The following APBB2 variants were observed in gnomAD, a reference collection of about 807,000 sequenced individuals.
The protein encoded by APBB2 is Fe65-like 1.
APBB2 carries 38 observed loss-of-function variants against 82.5 expected under a neutral mutation model. That is an observed-to-expected ratio of 0.46 (90% CI 0.36 to 0.60). The LOEUF (loss-of-function observed/expected upper bound fraction) is 0.60. Among genes scored for constraint, APBB2 ranks in the 20% least tolerant of loss-of-function variants. The pLI is 0.00. For missense variants in APBB2, 772 were observed against 972.3 expected (o/e 0.79, Z 2.74); for synonymous variants, 341 against 368.2 (o/e 0.93, Z 0.85).
chr4:40,877,268 C>G (rs1767172967), intron 12 of APBB2, among the ~76,000 whole-genome samples: 2 of 152,234 alleles, frequency 1.3e-5, no homozygotes, highest in African/African-American at 4.8e-5. Flanking sequence ...CATCTGAGAG[C>G]AAAGGTGGCC....
intron 2 of APBB2, among the ~76,000 whole-genome samples, chr4:41,117,172 A>G (rs539391265): frequency 6.6e-6 from 1 of 152,202 alleles, no homozygotes; most frequent in African/African-American, 2.4e-5. Context: ...ATGGTCTTTA[A>G]GAAGATATTT....
chr4:41,194,143 T>A, intron 1 of APBB2: 1 of 128,826 alleles, frequency 7.8e-6, no homozygotes, highest in Non-Finnish European at 1.7e-5. Flanking sequence ...TGAGACTGCA[T>A]CTCTACAAAA....
At chr4:41,027,399 AT>A (rs1714847531) in intron 5 of APBB2, among the ~76,000 whole-genome samples, 17 of 115,130 alleles carry the variant, frequency 1.5e-4, no homozygotes, top group African/African-American at 4.3e-4. Context: ...ATATATATAT[AT>A]ATATAACATT....
chr4:41,069,046 G>A (rs375327888), intron 3 of APBB2, among the ~76,000 whole-genome samples: 54 of 151,976 alleles, frequency 3.6e-4, no homozygotes, highest in African/African-American at 1.2e-3. Flanking sequence ...TGCCCGCCTC[G>A]GCCTCCCAAA....
intron 12 of APBB2, among the ~76,000 whole-genome samples, chr4:40,855,104 GTTTGCGCC>G (rs1477286188): frequency 6.6e-6 from 1 of 152,168 alleles, no homozygotes; most frequent in African/African-American, 2.4e-5. Flanking sequence ...GCCCCTCGTT[GTTTGCGCC>G]TACTGCCACA....
intron 12 of APBB2, among the ~76,000 whole-genome samples, chr4:40,839,999 CAT>C (rs1183008055): frequency 5.9e-5 from 9 of 152,162 alleles, no homozygotes; most frequent in African/African-American, 1.9e-4. Flanking sequence ...TATTTGCACT[CAT>C]ATGAATTATA....
At chr4:41,172,203 C>T (rs974865815) in intron 1 of APBB2, among the ~76,000 whole-genome samples, 6 of 152,146 alleles carry the variant, frequency 3.9e-5, no homozygotes, top group Admixed American at 6.5e-5. Flanking sequence ...GCCTGCTGTT[C>T]CAACACCTCA....
intron 1 of APBB2, among the ~76,000 whole-genome samples, chr4:41,198,661 G>A: frequency 1.3e-5 from 2 of 152,178 alleles, no homozygotes; most frequent in African/African-American, 4.8e-5. Context: ...TGTGGCTGCT[G>A]TAAGAAACTG....
intron 1 of APBB2, among the ~76,000 whole-genome samples, chr4:41,211,651 T>A (rs1437123885): frequency 2.0e-5 from 3 of 151,996 alleles, no homozygotes; most frequent in African/African-American, 7.2e-5. Flanking sequence ...CCCGGCTAAT[T>A]TTTGTATTTT....
At chr4:40,912,670 G>A (rs960438094) in intron 10 of APBB2, among the ~76,000 whole-genome samples, 1 of 152,018 alleles carries the variant, frequency 6.6e-6, no homozygotes, top group South Asian at 2.1e-4. Context: ...GAGGAACAGT[G>A]AACACGTTAC....
chr4:40,870,627 G>T (rs1409015554), intron 12 of APBB2, among the ~76,000 whole-genome samples: 2 of 152,100 alleles, frequency 1.3e-5, no homozygotes, highest in Non-Finnish European at 1.5e-5. Flanking sequence ...CCTAACTGTA[G>T]AAGGCTGAAA....
At chr4:41,110,956 G>A (rs1277596023) in intron 2 of APBB2, among the ~76,000 whole-genome samples, 1 of 152,156 alleles carries the variant, frequency 6.6e-6, no homozygotes, top group Non-Finnish European at 1.5e-5. Context: ...CTGTAATGTA[G>A]AACCAGTGGG....
intron 1 of APBB2, among the ~76,000 whole-genome samples, chr4:41,187,926 ATATATT>A (rs1553987933): frequency 6.6e-6 from 1 of 152,242 alleles, no homozygotes; most frequent in Non-Finnish European, 1.5e-5. Flanking sequence ...ATTGAGATTT[ATATATT>A]TATATTTTTC....
Position 41,044,252 on chromosome 4 carries a change from G to A in APBB2, c.-50-10948C>T, listed in dbSNP as rs553964838. On this transcript the variant is annotated intron_variant, in intron 4 of 17. Transcript: ENST00000508593. Reference sequence around the variant, plus strand: ...ATTCTTTCCTAACTACTTTCAAGATGATGAAATGGTGCTCCATTAACCTTT... The same window carrying A: ...ATTCTTTCCTAACTACTTTCAAGATAATGAAATGGTGCTCCATTAACCTTT... 1.4e-4 allele frequency among the ~76,000 whole-genome samples: 22 copies of A among 152,258 alleles called. No homozygotes were observed. In the South Asian group the frequency reaches 4.2e-3, roughly 29 times the overall value.
Position 40,893,351 on chromosome 4 carries a change from T to C in APBB2, c.1315A>G (p.Lys439Glu). Residue 439 changes from lysine to glutamate, a missense_variant, in exon 11 of 18, where the codon AAA becomes GAA. Physicochemically the swap from Lys to Glu is moderately conservative, Grantham distance 56 (BLOSUM62 1). Transcript: ENST00000508593. ...EMAEEDLAPG[K>E]SSVAVNNCIR... is the part of the protein sequence containing the mutation. ...CAGTTGTTGACCGCAACACTACTTT[T>C]ACCGGGGGCGAGGTCCTCTTCTGCC... The C allele has an allele frequency of 6.2e-7, 1 of 1,613,570 alleles. No homozygotes were observed. The highest frequency in any genetic ancestry group is 8.5e-7 in the Non-Finnish European group (1 of 1,179,796).
intron 5 of APBB2, among the ~76,000 whole-genome samples, chr4:41,029,394 C>G (rs764062572): frequency 3.3e-5 from 5 of 152,122 alleles, no homozygotes; most frequent in Non-Finnish European, 7.4e-5. Context: ...CTTGGGTCAC[C>G]GGGCCAGGGA....
rs1247332385 is a variant in APBB2 at position 40,848,980 on chromosome 4, G to A, written c.1530-18403C>T. 3.5e-6 allele frequency: 3 copies of A among 854,516 alleles called. No homozygotes were observed. In the South Asian group the frequency reaches 1.6e-4, roughly 46 times the overall value. 52.9% of individuals were successfully genotyped at this position (854,516 alleles called of 1,614,324 possible). On this transcript the variant is annotated intron_variant, in intron 12 of 17. Transcript: ENST00000508593. ...CATGCGAGCAAGAACCTTTCTGCCT[G>A]TTCACTTACCACTGTCTGGCACATA...
chr4:40,890,639 G>T (rs150165062), intron 11 of APBB2, 148 bp from the exon 12 acceptor site: 18 of 1,078,840 alleles, frequency 1.7e-5, no homozygotes, highest in Non-Finnish European at 2.3e-5. Flanking sequence ...TTCCTTTCTG[G>T]ACAAGAATAT....
intron 6 of APBB2, among the ~76,000 whole-genome samples, chr4:40,991,589 T>TCC (rs1424697397): frequency 6.6e-6 from 1 of 152,120 alleles, no homozygotes; most frequent in Non-Finnish European, 1.5e-5. Context: ...CCTGCTTTTA[T>TCC]CCCTGTGTCT....
Sources: gnomAD v4.1 joint callset for allele counts (sites outside exome capture counted in the v4.1 genomes callset) on GRCh38, gnomAD v4.1.1 for gene constraint, MANE v1.5 for transcripts, NCBI Gene and HGNC (gene_info 2026-07-23, HGNC 2026-07-21) for gene names.